PANK3: variants seen among roughly 807,000 people sequenced by gnomAD.
PANK3 encodes the protein hPanK3.
PANK3 carries 20 observed loss-of-function variants against 39.4 expected under a neutral mutation model. That is an observed-to-expected ratio of 0.51 (90% CI 0.36 to 0.74). The LOEUF (loss-of-function observed/expected upper bound fraction) is 0.74. Ranked by LOEUF, PANK3 falls within the 30% of genes least tolerant of loss-of-function variation. The pLI, the probability that PANK3 is intolerant of heterozygous loss-of-function variation, is 0.00. For synonymous variants in PANK3, 140 were observed against 157.3 expected (o/e 0.89, Z 0.82); for missense variants, 265 against 437.0 (o/e 0.61, Z 3.51).
intron 3 of PANK3, 71 bp downstream of exon 3, chr5:168,565,942 A>G: frequency 7.1e-7 from 1 of 1,408,214 alleles, no homozygotes; most frequent in South Asian, 1.5e-5. Flanking sequence ...AAATGACATT[A>G]TTATACTGAT....
At chr5:168,565,703 T>C (rs564767118) in intron 3 of PANK3, among the ~76,000 whole-genome samples, 83 of 151,570 alleles carry the variant, frequency 5.5e-4, no homozygotes, top group African/African-American at 2.0e-3. Flanking sequence ...TCAGTTTGAG[T>C]CTTGACATAC....
At chr5:168,569,604 T>G (rs989361900) in intron 1 of PANK3, among the ~76,000 whole-genome samples, 1 of 152,150 alleles carries the variant, frequency 6.6e-6, no homozygotes, top group Non-Finnish European at 1.5e-5. Flanking sequence ...CTAAATACCA[T>G]GTGCTCCAGG....
chr5:168,557,281 C>T lies in PANK3; in HGVS notation c.*290G>A, dbSNP rs1424745134. On this transcript the variant is annotated 3_prime_UTR_variant, in exon 7 of 7. Transcript: ENST00000239231. ...ACTTTAAGATTTGTGTTTGAGCATA[C>T]AGTACTGCAATGTTGGCTACATAAA... 4.0e-6 allele frequency: 1 copy of T among 252,650 alleles called. No homozygotes were observed. 15.7% of individuals were successfully genotyped at this position (252,650 alleles called of 1,614,324 possible).
At chr5:168,577,340 C>G (rs942835348) in intron 1 of PANK3, among the ~76,000 whole-genome samples, 1 of 152,170 alleles carries the variant, frequency 6.6e-6, no homozygotes, top group Non-Finnish European at 1.5e-5. Flanking sequence ...AGATTTTCAG[C>G]ATGATTCAAT....
intron 4 of PANK3, among the ~76,000 whole-genome samples, chr5:168,562,031 T>G (rs560199718): frequency 3.7e-4 from 57 of 152,276 alleles, no homozygotes; most frequent in African/African-American, 1.2e-3. Context: ...AATAAACAAG[T>G]GAAATTAATT....
intron 1 of PANK3, among the ~76,000 whole-genome samples, chr5:168,577,515 T>G (rs2113041264): frequency 6.6e-6 from 1 of 152,302 alleles, no homozygotes; most frequent in South Asian, 2.1e-4. Context: ...TTTATTTATT[T>G]ATTTGTAGAG....
intron 1 of PANK3, among the ~76,000 whole-genome samples, chr5:168,570,539 C>T (rs1322104979): frequency 2.0e-5 from 3 of 151,938 alleles, no homozygotes; most frequent in African/African-American, 7.2e-5. Flanking sequence ...ACGAGATACA[C>T]AAAATAAAAT....
At chr5:168,568,216 A>G (rs10070122) in intron 2 of PANK3, among the ~76,000 whole-genome samples, 3,770 of 152,312 alleles carry the variant, frequency 0.025, 151 homozygotes, top group African/African-American at 0.086. Flanking sequence ...CATTATACTA[A>G]CCAAAAGACA....
chr5:168,575,712 G>T (rs1759719793), intron 1 of PANK3, among the ~76,000 whole-genome samples: 1 of 152,084 alleles, frequency 6.6e-6, no homozygotes, highest in South Asian at 2.1e-4. Context: ...CTTGAGCCTG[G>T]CATGCCAAGG....
chr5:168,567,468 A>C (rs1231361696), intron 2 of PANK3, among the ~76,000 whole-genome samples: 2 of 152,166 alleles, frequency 1.3e-5, no homozygotes, highest in African/African-American at 4.8e-5. Context: ...ACCGTTTATA[A>C]AACATTGCAG....
chr5:168,578,379 A>G (rs1759767804), intron 1 of PANK3, among the ~76,000 whole-genome samples: 3 of 152,252 alleles, frequency 2.0e-5, no homozygotes, highest in Admixed American at 2.0e-4. Flanking sequence ...AAGAGATCAC[A>G]TGAAACACTG....
Position 168,564,115 on chromosome 5 carries a change from T to G in PANK3, c.636-50A>C, listed in dbSNP as rs191677910. 252 of 1,442,266 alleles carry G rather than the reference T, an allele frequency of 1.7e-4. 1 individual carries two copies. In the African/African-American group the frequency reaches 3.5e-3, roughly 20 times the overall value. The allele number at this position is 1,442,266 out of a possible 1,614,324, so 89.3% of individuals were successfully genotyped here. On this transcript the variant is annotated intron_variant, in intron 3 of 6. Transcript: ENST00000239231. ...AAGTTGCATTTATACATTATATTCT[T>G]TCTCTAAAGTAAAAGGGTGGATCAT... is the stretch of plus-strand genomic sequence containing the variant.
At chr5:168,574,907 A>G (rs899821563) in intron 1 of PANK3, among the ~76,000 whole-genome samples, 1 of 152,128 alleles carries the variant, frequency 6.6e-6, no homozygotes, top group Non-Finnish European at 1.5e-5. Context: ...TCAAGCAAGT[A>G]TCTACATATT....
At chr5:168,557,695 C>G in intron 6 of PANK3, 74 bp from the exon 7 acceptor site, 1 of 1,082,780 alleles carries the variant, frequency 9.2e-7, no homozygotes, top group Non-Finnish European at 1.4e-6. Context: ...CTTGAGAACA[C>G]ACAACTATGC....
rs1217557709 is a variant in PANK3, at chr5:168,551,258, A to G, written c.*6313T>C. 1.3e-5 allele frequency: 2 copies of G among 152,210 alleles called. No individual in the cohort carries two copies. The highest frequency in any genetic ancestry group is 1.5e-5 in the Non-Finnish European group (1 of 68,016). The allele number at this position is 152,210 out of a possible 1,614,324, so 9.4% of individuals were successfully genotyped here. Reference sequence around the variant, plus strand: ...GTTGGCTGAATTCCTTAGGTATTAGAATAAACATAAACTTGATCATGGATA... The same window carrying G: ...GTTGGCTGAATTCCTTAGGTATTAGGATAAACATAAACTTGATCATGGATA... On this transcript the variant is annotated 3_prime_UTR_variant, in exon 7 of 7. Transcript: ENST00000239231.
Position 168,574,030 on chromosome 5 carries a change from C to T in PANK3, c.29-5032G>A, listed in dbSNP as rs538820336. Among the ~76,000 whole-genome samples, 6 of 151,330 alleles carry T rather than the reference C, an allele frequency of 4.0e-5. No individual in the cohort carries two copies. In the East Asian group the frequency reaches 1.2e-3, roughly 29 times the overall value. ...TGATTTATAGTCCTTTGGGTATACA[C>T]CCAGTAATGGGATGGCTGGGTCAAA... On this transcript the variant is annotated intron_variant, in intron 1 of 6. Coordinates refer to ENST00000239231, the MANE Select transcript of PANK3 (RefSeq NM_024594.4).
intron 1 of PANK3, 32 bp from the exon 2 acceptor site, chr5:168,569,030 A>AAATATATATATATATATAT (rs1554125888): frequency 9.1e-5 from 11 of 120,346 alleles, no homozygotes; most frequent in South Asian, 2.8e-4. Flanking sequence ...AAAAAAAAAA[A>AAATATATATATATATATAT]ATATATATAT....
chr5:168,563,226 T>C (rs535543340), intron 4 of PANK3, among the ~76,000 whole-genome samples: 2 of 152,300 alleles, frequency 1.3e-5, no homozygotes, highest in Admixed American at 6.5e-5. Context: ...AAAAGACTGA[T>C]AAATTCAACT....
intron 1 of PANK3, among the ~76,000 whole-genome samples, chr5:168,571,008 A>G (rs1759621556): frequency 6.6e-6 from 1 of 152,226 alleles, no homozygotes. Flanking sequence ...GAGGCACTGG[A>G]CAATAATCTT....
Sources: gnomAD v4.1 joint callset for allele counts (sites outside exome capture counted in the v4.1 genomes callset) on GRCh38, gnomAD v4.1.1 for gene constraint, MANE v1.5 for transcripts, NCBI Gene and HGNC (gene_info 2026-07-23, HGNC 2026-07-21) for gene names.